Variants in INSYN2A observed in about 807,000 individuals in gnomAD.
INSYN2A encodes the protein inhibitory synaptic factor 2A.
A neutral mutation model predicts 39.4 loss-of-function variants in INSYN2A; 17 were observed. The ratio of observed to expected loss-of-function variants is 0.43; its 90% CI spans 0.30 to 0.65. The LOEUF is 0.65. Among genes scored for constraint, INSYN2A ranks in the 30% least tolerant of loss-of-function variants. INSYN2A has a pLI of 0.14. For synonymous variants in INSYN2A, 255 were observed against 265.7 expected (o/e 0.96, Z 0.39); for missense variants, 595 against 631.2 (o/e 0.94, Z 0.61).
intron 1 of INSYN2A, 44 bp downstream of exon 1, chr10:127,195,953 C>CGGGCGCGG (rs1201135199): frequency 3.3e-5 from 5 of 152,396 alleles, no homozygotes; most frequent in African/African-American, 4.8e-5. Context: ...CCAAGTACGA[C>CGGGCGCGG]GGGCGCGGGG....
chr10:127,151,270 A>G (rs1156577743), intron 5 of INSYN2A, among the ~76,000 whole-genome samples: 1 of 152,142 alleles, frequency 6.6e-6, no homozygotes, highest in Non-Finnish European at 1.5e-5. Context: ...TTTGAATACT[A>G]GTTCATTTCT....
At chr10:127,172,230 G>C (rs556902857) in intron 4 of INSYN2A, among the ~76,000 whole-genome samples, 3 of 152,276 alleles carry the variant, frequency 2.0e-5, no homozygotes, top group African/African-American at 7.2e-5. Flanking sequence ...TCAAGGGATT[G>C]GTTGGGTGCT....
chr10:127,151,386 C>T (rs988014754), intron 5 of INSYN2A, among the ~76,000 whole-genome samples: 2 of 152,100 alleles, frequency 1.3e-5, no homozygotes, highest in Non-Finnish European at 2.9e-5. Context: ...GTCCTGGGAC[C>T]AAAAGCCTTC....
chr10:127,190,378 T>C (rs1266698217), intron 2 of INSYN2A, among the ~76,000 whole-genome samples: 1 of 152,210 alleles, frequency 6.6e-6, no homozygotes, highest in South Asian at 2.1e-4. Flanking sequence ...CAAGTGGAAA[T>C]GGAAGAAAAC....
At chr10:127,190,682 C>CCCCCCG (rs1554912109) in intron 2 of INSYN2A, among the ~76,000 whole-genome samples, 4 of 43,740 alleles carry the variant, frequency 9.1e-5, no homozygotes, top group East Asian at 1.8e-3. Flanking sequence ...CCCCCCCCCC[C>CCCCCCG]CGTTCCTGCT....
chr10:127,156,557 TTCTTC>T (rs781562517), intron 4 of INSYN2A, among the ~76,000 whole-genome samples: 14,818 of 103,812 alleles, frequency 0.14, 1,653 homozygotes, highest in Non-Finnish European at 0.19. Context: ...CTTCTTCTTC[TTCTTC>T]TTTTTTTTTT....
Position 127,160,441 on chromosome 10 carries a change from T to C in INSYN2A, c.1185-6518A>G, listed in dbSNP as rs561313240. Reference sequence around the variant, plus strand: ...CTGGTTGCAGAGTTCAGCAGCATGCTGTGGGCCCCTCCCTGGAAGATGTGT... The same window carrying C: ...CTGGTTGCAGAGTTCAGCAGCATGCCGTGGGCCCCTCCCTGGAAGATGTGT... On this transcript the variant is annotated intron_variant, in intron 4 of 5. Coordinates refer to ENST00000522781, the MANE Select transcript of INSYN2A (RefSeq NM_001039762.3). 1.6e-4 allele frequency among the ~76,000 whole-genome samples: 25 copies of C among 152,344 alleles called. No homozygotes were observed. The South Asian group carries it at 4.6e-3, about 28-fold the overall frequency.
rs1156496118 is a variant in INSYN2A at position 127,175,334 on chromosome 10, T to C, written c.1062A>G (p.Glu354=). The part of the protein sequence containing the change: ...EECQRIVPHT[E]VVDLKAQLQM... ...GAAGTTGTGCTTTGAGGTCGACCAC[T>C]TCCGTATGAGGCACGATTCGTTGGC... The change falls in exon 4 of 6, where the codon GAA becomes GAG. Residue 354 remains glutamate, a synonymous_variant. Transcript: ENST00000522781. The surrounding 1 kb of genome is among the most constrained non-coding windows in gnomAD (Gnocchi z 6.3). 6.2e-7 allele frequency: 1 copy of C among 1,614,162 alleles called. No individual in the cohort carries two copies. The highest frequency in any genetic ancestry group is 2.2e-5 in the East Asian group (1 of 44,872).
chr10:127,174,505 G>A (rs2054887478), intron 4 of INSYN2A, among the ~76,000 whole-genome samples: 1 of 152,206 alleles, frequency 6.6e-6, no homozygotes, highest in Non-Finnish European at 1.5e-5. Context: ...AACATGAAGT[G>A]CAAGATGGTC....
In INSYN2A at chr10:127,175,003, T is replaced by C. The variant is rs552635720; in HGVS notation, c.1184+209A>G. Among the ~76,000 whole-genome samples the C allele has an allele frequency of 9.8e-5, 15 of 152,336 alleles. No individual in the cohort carries two copies. Among genetic ancestry groups the C allele is most frequent in the African/African-American group, 3.6e-4 (15 of 41,576 alleles). On this transcript the variant is annotated intron_variant, in intron 4 of 5. Coordinates refer to ENST00000522781, the MANE Select transcript of INSYN2A (RefSeq NM_001039762.3). The surrounding 1 kb of genome is among the most constrained non-coding windows in gnomAD (Gnocchi z 6.3). Reference sequence around the variant, plus strand: ...GAATTCAAGGCCAGAAAGATGAACATTAACCAGAAAGCGTATCGTGCAGGA... The same window carrying C: ...GAATTCAAGGCCAGAAAGATGAACACTAACCAGAAAGCGTATCGTGCAGGA...
At position 127,196,419 on chromosome 10, in the gene INSYN2A, C is replaced by T. The variant is rs1473433676; in HGVS notation, c.-817G>A. Reference sequence around the variant, plus strand: ...ACTGCAATTGTCTTCGGCGAGATCTCAGAGCCAGGGCCAGGAGGCGGGGGC... The same window carrying T: ...ACTGCAATTGTCTTCGGCGAGATCTTAGAGCCAGGGCCAGGAGGCGGGGGC... On this transcript the variant is annotated 5_prime_UTR_variant, in exon 1 of 6. Transcript: ENST00000522781. 8.1e-5 allele frequency among the ~76,000 whole-genome samples: 12 copies of T among 148,704 alleles called. No individual in the cohort carries two copies.
chr10:127,187,663 G>A (rs370148405), intron 2 of INSYN2A, among the ~76,000 whole-genome samples: 12 of 151,798 alleles, frequency 7.9e-5, no homozygotes, highest in Admixed American at 4.6e-4. Context: ...CCTCAGCCTC[G>A]CTCCCTCGAA....
intron 4 of INSYN2A, among the ~76,000 whole-genome samples, chr10:127,157,451 A>G (rs1203277098): frequency 6.6e-6 from 1 of 152,224 alleles, no homozygotes; most frequent in Non-Finnish European, 1.5e-5. Flanking sequence ...AGTTTTTCTT[A>G]TAGGTGGTTG....
intron 2 of INSYN2A, among the ~76,000 whole-genome samples, chr10:127,188,010 G>A (rs2056437226): frequency 6.6e-6 from 1 of 152,110 alleles, no homozygotes; most frequent in South Asian, 2.1e-4. Flanking sequence ...GAAGTTTGTG[G>A]CATACAAAAA....
intron 2 of INSYN2A, among the ~76,000 whole-genome samples, chr10:127,186,549 C>A (rs949183308): frequency 3.5e-5 from 5 of 142,786 alleles, no homozygotes; most frequent in Non-Finnish European, 7.5e-5. Context: ...CACCCAGTTC[C>A]ACCCTTGACA....
chr10:127,180,034 C>T (rs2055577499), intron 2 of INSYN2A, among the ~76,000 whole-genome samples: 1 of 152,186 alleles, frequency 6.6e-6, no homozygotes, highest in Non-Finnish European at 1.5e-5. Flanking sequence ...TAGTGGGCCA[C>T]ACCCATTGAA....
intron 4 of INSYN2A, among the ~76,000 whole-genome samples, chr10:127,163,553 G>A (rs1028084795): frequency 2.6e-5 from 4 of 152,110 alleles, no homozygotes; most frequent in Non-Finnish European, 5.9e-5. Context: ...AATGAATGAG[G>A]AGTCTGTGTG....
intron 1 of INSYN2A, among the ~76,000 whole-genome samples, chr10:127,195,466 A>G (rs1462018990): frequency 6.6e-6 from 1 of 151,690 alleles, no homozygotes; most frequent in Non-Finnish European, 1.5e-5. Context: ...ATCTGCCTTC[A>G]CTGCTGCTCG....
chr10:127,141,320 T>G (rs1435178642), intron 5 of INSYN2A, among the ~76,000 whole-genome samples: 2 of 152,204 alleles, frequency 1.3e-5, no homozygotes, highest in African/African-American at 4.8e-5. Flanking sequence ...GTCATCCTCT[T>G]TCTGTTTCCA....
Sources: gnomAD v4.1 joint callset for allele counts (sites outside exome capture counted in the v4.1 genomes callset) on GRCh38, gnomAD v4.1.1 for gene constraint, Gnocchi (gnomAD v3.1) non-coding constraint, MANE v1.5 for transcripts, NCBI Gene and HGNC (gene_info 2026-07-23, HGNC 2026-07-21) for gene names.